Variants in FGF14 observed in about 807,000 individuals in gnomAD.
FGF14 encodes the protein fibroblast growth factor 14.
Under a neutral mutation model 25.5 loss-of-function variants are expected in FGF14, and 5 were observed. The ratio of observed to expected loss-of-function variants is 0.20; its 90% CI spans 0.10 to 0.41. The LOEUF is 0.41. FGF14 is among the 10% of genes least tolerant of loss of function. The pLI, the probability that FGF14 is intolerant of heterozygous loss-of-function variation, is 1.00. For missense variants in FGF14, 222 were observed against 320.1 expected (o/e 0.69, Z 2.34); for synonymous variants, 138 against 118.3 (o/e 1.17, Z -1.08).
At chr13:102,114,743 T>C (rs2045388774) in intron 1 of FGF14, among the ~76,000 whole-genome samples, 1 of 152,012 alleles carries the variant, frequency 6.6e-6, no homozygotes, top group South Asian at 2.1e-4. Context: ...ATACAAACAC[T>C]GCACAACTCC....
chr13:102,168,626 A>C (rs1374789070), intron 1 of FGF14, among the ~76,000 whole-genome samples: 1 of 152,156 alleles, frequency 6.6e-6, no homozygotes, highest in African/African-American at 2.4e-5. Flanking sequence ...TATAAATCCA[A>C]TGCATGTAGC....
rs74108956 is a variant in FGF14 at position 101,992,853 on chromosome 13, C to T, written c.209-117557G>A. On this transcript the variant is annotated intron_variant, in intron 1 of 4. Coordinates refer to the FGF14 transcript ENST00000376131. ...ATTGGGGAATAATTAAAAAGGTATA[C>T]CTTACACATTTTTGGAATAGCAAAA... Among the ~76,000 whole-genome samples the T allele has an allele frequency of 9.6e-3, 1,452 of 151,740 alleles. 18 individuals are homozygous for T. The highest frequency in any genetic ancestry group is 0.033 in the African/African-American group (1,369 of 41,388).
At chr13:102,209,629 A>C (rs548197843) in intron 1 of FGF14, among the ~76,000 whole-genome samples, 2 of 152,150 alleles carry the variant, frequency 1.3e-5, no homozygotes, top group Non-Finnish European at 2.9e-5. Flanking sequence ...CCATTTTCTC[A>C]GCATCTGGGA....
chr13:102,393,021 A>G (rs886388269), intron 1 of FGF14, among the ~76,000 whole-genome samples: 1 of 152,182 alleles, frequency 6.6e-6, no homozygotes, highest in African/African-American at 2.4e-5. Flanking sequence ...GTTGTACTTG[A>G]TATTCTCGGT....
At chr13:101,809,491 A>C (rs918772340) in intron 3 of FGF14, among the ~76,000 whole-genome samples, 1 of 152,132 alleles carries the variant, frequency 6.6e-6, no homozygotes, top group African/African-American at 2.4e-5. Flanking sequence ...CTGCTTCAGT[A>C]AACAGTTGTA....
chr13:101,814,929 C>G (rs750984066), intron 3 of FGF14, among the ~76,000 whole-genome samples: 30 of 152,076 alleles, frequency 2.0e-4, no homozygotes, highest in Admixed American at 6.6e-4. Context: ...TACAAGTAAC[C>G]TGTAAATAAA....
At chr13:101,916,414 C>T (rs563509330) in intron 1 of FGF14, 39 bp downstream of exon 1, 5 of 1,610,034 alleles carry the variant, frequency 3.1e-6, no homozygotes, top group South Asian at 2.2e-5. Flanking sequence ...GGGGAGGGGG[C>T]GACCCGGGGC....
At chr13:102,109,986 G>A (rs1484315265) in intron 1 of FGF14, among the ~76,000 whole-genome samples, 1 of 152,170 alleles carries the variant, frequency 6.6e-6, no homozygotes, top group Non-Finnish European at 1.5e-5. Flanking sequence ...CATAGATACT[G>A]GAAAGAGACA....
intron 1 of FGF14, among the ~76,000 whole-genome samples, chr13:102,272,695 A>G (rs1324553074): frequency 6.6e-6 from 1 of 152,124 alleles, no homozygotes; most frequent in Non-Finnish European, 1.5e-5. Flanking sequence ...AATTTTACAG[A>G]TAGGAAAACT....
At chr13:101,996,295 A>G (rs1295325830) in intron 1 of FGF14, among the ~76,000 whole-genome samples, 1 of 152,186 alleles carries the variant, frequency 6.6e-6, no homozygotes, top group African/African-American at 2.4e-5. Context: ...TTGATGTTGG[A>G]GCTCAGTAGA....
chr13:102,121,681 T>C (rs1392419081), intron 1 of FGF14, among the ~76,000 whole-genome samples: 1 of 152,206 alleles, frequency 6.6e-6, no homozygotes, highest in Admixed American at 6.5e-5. Context: ...GTATATATGT[T>C]GTACATACCC....
At chr13:102,236,634 G>A (rs1401912494) in intron 1 of FGF14, among the ~76,000 whole-genome samples, 1 of 152,120 alleles carries the variant, frequency 6.6e-6, no homozygotes, top group African/African-American at 2.4e-5. Flanking sequence ...CCCTCCCCCA[G>A]GACTGTGCAT....
intron 1 of FGF14, among the ~76,000 whole-genome samples, chr13:102,297,924 G>A (rs546874278): frequency 7.2e-5 from 11 of 152,158 alleles, no homozygotes; most frequent in African/African-American, 2.6e-4. Flanking sequence ...TGGCCACAGT[G>A]GCTGGGATGC....
At chr13:101,820,683 C>G (rs920628155) in intron 3 of FGF14, among the ~76,000 whole-genome samples, 1 of 151,960 alleles carries the variant, frequency 6.6e-6, no homozygotes, top group African/African-American at 2.4e-5. Flanking sequence ...ATTATACCCC[C>G]TTTTTTCTGC....
At chr13:101,837,286 C>T (rs182580246) in intron 3 of FGF14, among the ~76,000 whole-genome samples, 30 of 151,922 alleles carry the variant, frequency 2.0e-4, no homozygotes, top group African/African-American at 7.0e-4. Context: ...ATTATCTGTC[C>T]GATTTGCCAC....
At chr13:102,019,210 T>C (rs2040504593) in intron 1 of FGF14, among the ~76,000 whole-genome samples, 1 of 152,114 alleles carries the variant, frequency 6.6e-6, no homozygotes, top group African/African-American at 2.4e-5. Flanking sequence ...TCCAAGTGAA[T>C]TGGAGTCCAC....
At chr13:101,866,018 G>C (rs2044681858) in intron 3 of FGF14, among the ~76,000 whole-genome samples, 1 of 151,700 alleles carries the variant, frequency 6.6e-6, no homozygotes, top group Admixed American at 6.6e-5. Flanking sequence ...CTTCTTAGTT[G>C]GGTTAACAAC....
intron 1 of FGF14, among the ~76,000 whole-genome samples, chr13:102,147,611 G>A (rs1192961002): frequency 6.6e-6 from 1 of 152,162 alleles, no homozygotes; most frequent in Non-Finnish European, 1.5e-5. Flanking sequence ...TGTCAAAAAT[G>A]TCATCAAAAT....
upstream of FGF14, among the ~76,000 whole-genome samples, chr13:101,917,005 C>T (rs1033859388): frequency 1.3e-5 from 2 of 151,642 alleles, no homozygotes; most frequent in Non-Finnish European, 2.9e-5. Context: ...CCGCCACTCG[C>T]GCTGCCTTCT....
Sources: allele counts gnomAD v4.1 joint callset (sites outside exome capture counted in the v4.1 genomes callset), GRCh38; gene constraint gnomAD v4.1.1; transcripts MANE v1.5; gene names NCBI Gene and HGNC (gene_info 2026-07-23, HGNC 2026-07-21).